The following ATG10 variants were observed in gnomAD, a reference collection of about 807,000 sequenced individuals.
ATG10 encodes the protein autophagy related 10.
ATG10 carries 30 observed loss-of-function variants against 32.1 expected under a neutral mutation model. The ratio of observed to expected loss-of-function variants is 0.94; its 90% confidence interval spans 0.70 to 1.27. The LOEUF (loss-of-function observed/expected upper bound fraction) is 1.27, where lower values mean the gene tolerates loss of function less well. ATG10 is among the 50% of genes most tolerant of loss of function. The probability of loss-of-function intolerance (pLI) is 0.00; values close to 1 mark genes in which losing one functional copy is unlikely to be tolerated. For synonymous variants in ATG10, 87 were observed against 91.5 expected, an observed-to-expected ratio of 0.95 and a Z score of 0.28; for missense variants, 233 against 262.3, an observed-to-expected ratio of 0.89 and a Z score of 0.77.
At chr5:82,244,305 T>C (rs1746929466) in intron 5 of ATG10, among the ~76,000 whole-genome samples, 1 of 152,158 alleles carries the variant, frequency 6.6e-6, no homozygotes, top group Non-Finnish European at 1.5e-5. Context: ...CCAGTTCTGG[T>C]CAGAGGGCAT....
chr5:82,019,509 C>T (rs1029382994), intron 2 of ATG10, among the ~76,000 whole-genome samples: 1 of 152,124 alleles, frequency 6.6e-6, no homozygotes, highest in Non-Finnish European at 1.5e-5. Flanking sequence ...CTACTAGCCA[C>T]TGGGGCCAGA....
At chr5:82,017,599 G>A (rs1453643168) in intron 2 of ATG10, among the ~76,000 whole-genome samples, 1 of 151,988 alleles carries the variant, frequency 6.6e-6, no homozygotes, top group Non-Finnish European at 1.5e-5. Flanking sequence ...TTTTGCTGAG[G>A]GTTTTAATCA....
intron 4 of ATG10, among the ~76,000 whole-genome samples, chr5:82,169,524 T>C (rs1317311506): frequency 6.6e-6 from 1 of 152,092 alleles, no homozygotes; most frequent in Non-Finnish European, 1.5e-5. Flanking sequence ...ATTAGAGAAG[T>C]ATTTTAAGAC....
At chr5:82,020,558 C>G (rs1762406944) in intron 2 of ATG10, among the ~76,000 whole-genome samples, 1 of 152,132 alleles carries the variant, frequency 6.6e-6, no homozygotes, top group Non-Finnish European at 1.5e-5. Flanking sequence ...TTTTGCTGAT[C>G]TGTGACAAGT....
intron 3 of ATG10, among the ~76,000 whole-genome samples, chr5:82,127,912 G>A (rs1396251688): frequency 6.6e-6 from 1 of 151,970 alleles, no homozygotes; most frequent in African/African-American, 2.4e-5. Flanking sequence ...TTGTGTGGGA[G>A]TCTAAGTCTC....
chr5:82,088,933 T>A (rs1010836577), intron 3 of ATG10, among the ~76,000 whole-genome samples: 3 of 152,128 alleles, frequency 2.0e-5, no homozygotes, highest in Admixed American at 2.0e-4. Context: ...AACAATATTG[T>A]CCTAAAATTT....
chr5:82,103,912 C>T (rs2149806674), intron 3 of ATG10, among the ~76,000 whole-genome samples: 1 of 152,270 alleles, frequency 6.6e-6, no homozygotes, highest in Admixed American at 6.5e-5. Flanking sequence ...TGTTACACTA[C>T]AATTTATTTT....
At chr5:82,247,810 T>A (rs1307484724) in intron 5 of ATG10, among the ~76,000 whole-genome samples, 2 of 152,174 alleles carry the variant, frequency 1.3e-5, no homozygotes, top group Non-Finnish European at 2.9e-5. Flanking sequence ...TTGCTGTTGT[T>A]TTTGTTTGGT....
intron 3 of ATG10, among the ~76,000 whole-genome samples, chr5:82,096,204 T>C (rs1765058146): frequency 6.6e-6 from 1 of 152,356 alleles, no homozygotes; most frequent in Non-Finnish European, 1.5e-5. Context: ...TTTTATGCAC[T>C]GCTGTGAGAA....
At chr5:82,242,742 C>A in intron 5 of ATG10, 3 of 355,136 alleles carry the variant, frequency 8.4e-6, no homozygotes, top group South Asian at 2.1e-5. Context: ...ACCTATTTTT[C>A]AAAAATGAGG....
chr5:82,037,086 A>G (rs1226341011), intron 2 of ATG10, among the ~76,000 whole-genome samples: 1 of 127,000 alleles, frequency 7.9e-6, no homozygotes, highest in Non-Finnish European at 1.6e-5. Flanking sequence ...AGCCGAGATC[A>G]TGTCACTGCA....
At chr5:82,214,913 C>T (rs1745619726) in intron 5 of ATG10, among the ~76,000 whole-genome samples, 1 of 152,208 alleles carries the variant, frequency 6.6e-6, no homozygotes, top group Non-Finnish European at 1.5e-5. Flanking sequence ...AAGAGGAACT[C>T]CAGTGCACCT....
intron 5 of ATG10, among the ~76,000 whole-genome samples, chr5:82,215,734 G>T (rs2149985055): frequency 6.6e-6 from 1 of 152,008 alleles, no homozygotes; most frequent in African/African-American, 2.4e-5. Flanking sequence ...TCGGGAGTTC[G>T]AGACCAGCCT....
chr5:82,097,204 A>G (rs1765100048), intron 3 of ATG10, among the ~76,000 whole-genome samples: 1 of 152,174 alleles, frequency 6.6e-6, no homozygotes, highest in Non-Finnish European at 1.5e-5. Context: ...GTTATTGTGG[A>G]TACTAATGAC....
chr5:82,073,674 A>G (rs977677136), intron 3 of ATG10: 4 of 152,230 alleles, frequency 2.6e-5, no homozygotes, highest in African/African-American at 9.6e-5. Flanking sequence ...GAAGTAAAAC[A>G]GTTGGCTAAT....
At chr5:82,246,550 A>G (rs1261270330) in intron 5 of ATG10, among the ~76,000 whole-genome samples, 1 of 151,680 alleles carries the variant, frequency 6.6e-6, no homozygotes, top group Non-Finnish European at 1.5e-5. Context: ...AAAGAAAAAA[A>G]ATTATTTAAA....
At chr5:82,199,508 A>G (rs759412109) in intron 5 of ATG10, among the ~76,000 whole-genome samples, 5 of 152,164 alleles carry the variant, frequency 3.3e-5, no homozygotes, top group Non-Finnish European at 5.9e-5. Flanking sequence ...TCCCCTTGCT[A>G]TGTCTTGGGG....
At chr5:82,247,327 T>C (rs1747078602) in intron 5 of ATG10, among the ~76,000 whole-genome samples, 1 of 152,048 alleles carries the variant, frequency 6.6e-6, no homozygotes, top group South Asian at 2.1e-4. Flanking sequence ...TTTTCTTCAA[T>C]TTTTTTTCTC....
chr5:82,128,418 G>A (rs539749560), intron 3 of ATG10, among the ~76,000 whole-genome samples: 12 of 152,098 alleles, frequency 7.9e-5, no homozygotes, highest in African/African-American at 2.9e-4. Flanking sequence ...TTTTGCAGTG[G>A]CTGGTACTGG....
Sources: allele counts gnomAD v4.1 joint callset (sites outside exome capture counted in the v4.1 genomes callset), GRCh38; gene constraint gnomAD v4.1.1; transcripts MANE v1.5; gene names NCBI Gene and HGNC (gene_info 2026-07-23, HGNC 2026-07-21).